The following DPYD variants were observed in gnomAD, a reference collection of about 807,000 sequenced individuals.
DPYD encodes dihydropyrimidine dehydrogenase.
Under a neutral mutation model 116.2 loss-of-function variants are expected in DPYD, and 109 were observed. That is an observed-to-expected ratio of 0.94 (90% CI 0.80 to 1.10). The LOEUF is 1.10. Ranked by LOEUF, DPYD falls within the 50% of genes least tolerant of loss-of-function variation. The pLI is 0.00. For missense variants in DPYD, 1,302 were observed against 1,254.5 expected (o/e 1.04, Z -0.57); for synonymous variants, 440 against 432.0 (o/e 1.02, Z -0.23).
chr1:97,129,362 G>A (rs1300297343), intron 20 of DPYD, among the ~76,000 whole-genome samples: 2 of 152,036 alleles, frequency 1.3e-5, no homozygotes, highest in African/African-American at 4.8e-5. Flanking sequence ...CACCACACCC[G>A]GTCCTGCTGT....
intron 3 of DPYD, among the ~76,000 whole-genome samples, chr1:97,822,280 A>G (rs1026048946): frequency 6.7e-6 from 1 of 148,748 alleles, no homozygotes; most frequent in African/African-American, 2.4e-5. Context: ...AATATATGTA[A>G]ATCTGTGTAT....
At chr1:97,790,459 T>C (rs1048343311) in intron 3 of DPYD, among the ~76,000 whole-genome samples, 3 of 152,212 alleles carry the variant, frequency 2.0e-5, no homozygotes, top group Non-Finnish European at 4.4e-5. Flanking sequence ...CTACAGAATT[T>C]ACACATTTCA....
At chr1:97,712,548 C>T (rs1349310215) in intron 5 of DPYD, among the ~76,000 whole-genome samples, 1 of 152,004 alleles carries the variant, frequency 6.6e-6, no homozygotes, top group Non-Finnish European at 1.5e-5. Context: ...TAAATTATCA[C>T]TAATAGATTA....
intron 14 of DPYD, among the ~76,000 whole-genome samples, chr1:97,406,186 C>A (rs1673645044): frequency 6.6e-6 from 1 of 151,886 alleles, no homozygotes; most frequent in Non-Finnish European, 1.5e-5. Context: ...ATTTGCCTGT[C>A]TATCTCTCTA....
At chr1:97,756,484 A>T (rs1004757783) in intron 3 of DPYD, among the ~76,000 whole-genome samples, 2 of 152,180 alleles carry the variant, frequency 1.3e-5, no homozygotes, top group African/African-American at 4.8e-5. Flanking sequence ...CCATATGATG[A>T]GACAACACTA....
intron 13 of DPYD, among the ~76,000 whole-genome samples, chr1:97,454,130 G>A (rs542808171): frequency 6.6e-6 from 1 of 151,906 alleles, no homozygotes; most frequent in South Asian, 2.1e-4. Context: ...GTAATAAATC[G>A]GTAATAAAAA....
intron 20 of DPYD, among the ~76,000 whole-genome samples, chr1:97,165,436 T>G (rs554632067): frequency 6.6e-6 from 1 of 152,278 alleles, no homozygotes; most frequent in African/African-American, 2.4e-5. Context: ...TTAAGATGGA[T>G]TGAAGACTTA....
At chr1:97,628,790 T>G (rs1367582878) in intron 8 of DPYD, among the ~76,000 whole-genome samples, 2 of 152,120 alleles carry the variant, frequency 1.3e-5, no homozygotes, top group Non-Finnish European at 2.9e-5. Context: ...ACGAATGTAC[T>G]ACGTACTAGT....
At chr1:97,381,982 A>T (rs951138924) in intron 15 of DPYD, among the ~76,000 whole-genome samples, 7 of 152,200 alleles carry the variant, frequency 4.6e-5, no homozygotes, top group Non-Finnish European at 7.4e-5. Flanking sequence ...TAAATATTCA[A>T]GAGTTTTATA....
At chr1:97,576,537 T>C (rs1653273309) in intron 10 of DPYD, among the ~76,000 whole-genome samples, 1 of 152,182 alleles carries the variant, frequency 6.6e-6, no homozygotes, top group Non-Finnish European at 1.5e-5. Flanking sequence ...AAATTGGACA[T>C]GACTAAATCA....
chr1:97,553,347 C>T lies in DPYD; in HGVS notation c.1340-3603G>A, dbSNP rs183432006. 1.2e-3 allele frequency among the ~76,000 whole-genome samples: 188 copies of T among 151,920 alleles called. 1 individual carries two copies. Among genetic ancestry groups the T allele is most frequent in the Non-Finnish European group, 1.2e-3 (82 of 67,864 alleles). Reference sequence around the variant, plus strand: ...ATCAAGGATTCAGTGAAAAAATCCACGTGCATGTTATTCATAATTTCTCAG... The same window carrying T: ...ATCAAGGATTCAGTGAAAAAATCCATGTGCATGTTATTCATAATTTCTCAG... On this transcript the variant is annotated intron_variant, in intron 11 of 22. Transcript: ENST00000370192.
At chr1:97,333,080 A>T (rs1217217934) in intron 16 of DPYD, among the ~76,000 whole-genome samples, 1 of 139,120 alleles carries the variant, frequency 7.2e-6, no homozygotes, top group Non-Finnish European at 1.5e-5. Flanking sequence ...TTTTTTTCAG[A>T]CAGAGTCTTG....
intron 8 of DPYD, among the ~76,000 whole-genome samples, chr1:97,656,850 T>C (rs1224499239): frequency 2.6e-5 from 4 of 151,866 alleles, no homozygotes; most frequent in African/African-American, 9.7e-5. Context: ...TGACTGGATC[T>C]ATGAGATCTA....
At chr1:97,425,502 A>G (rs762582840) in intron 14 of DPYD, among the ~76,000 whole-genome samples, 1 of 151,798 alleles carries the variant, frequency 6.6e-6, no homozygotes, top group Non-Finnish European at 1.5e-5. Context: ...TCCTGTTATG[A>G]CTATAACTTT....
chr1:97,747,638 T>G (rs975128775), intron 3 of DPYD, among the ~76,000 whole-genome samples: 1 of 152,196 alleles, frequency 6.6e-6, no homozygotes, highest in African/African-American at 2.4e-5. Flanking sequence ...ATAGCATATA[T>G]GTATGTAGCT....
chr1:97,241,996 T>C (rs1662365332), intron 18 of DPYD, among the ~76,000 whole-genome samples: 1 of 150,832 alleles, frequency 6.6e-6, no homozygotes, highest in Admixed American at 6.6e-5. Context: ...TTGTAACCCA[T>C]ATATTATTTC....
At chr1:97,850,395 T>C (rs1670512286) in intron 2 of DPYD, among the ~76,000 whole-genome samples, 1 of 152,218 alleles carries the variant, frequency 6.6e-6, no homozygotes, top group African/African-American at 2.4e-5. Context: ...AATTAAGATA[T>C]GCTTAACTAA....
intron 18 of DPYD, among the ~76,000 whole-genome samples, chr1:97,259,874 G>A (rs1663764407): frequency 6.6e-6 from 1 of 151,980 alleles, no homozygotes; most frequent in South Asian, 2.1e-4. Context: ...AGATAGATAT[G>A]TACACATCTC....
chr1:97,559,039 T>TAGATCATCCTTTAATC, intron 11 of DPYD, among the ~76,000 whole-genome samples: 1 of 152,186 alleles, frequency 6.6e-6, no homozygotes. Flanking sequence ...CTTGAAGGAA[T>TAGATCATCCTTTAATC]AGATCATCCT....
Sources: gnomAD v4.1 joint callset for allele counts (sites outside exome capture counted in the v4.1 genomes callset) on GRCh38, gnomAD v4.1.1 for gene constraint, MANE v1.5 for transcripts, NCBI Gene and HGNC (gene_info 2026-07-23, HGNC 2026-07-21) for gene names.